OPCML: variants seen among roughly 807,000 people sequenced by gnomAD.
OPCML encodes opioid-binding protein/cell adhesion molecule.
A neutral mutation model predicts 37.8 loss-of-function variants in OPCML; 13 were observed. The observed-to-expected ratio is 0.34, with a 90% CI of 0.22 to 0.55. The LOEUF is 0.55. Among genes scored for constraint, OPCML ranks in the 20% least tolerant of loss-of-function variants. The pLI, the probability that OPCML is intolerant of heterozygous loss-of-function variation, is 0.91. For missense variants in OPCML, 341 were observed against 435.6 expected (o/e 0.78, Z 1.93); for synonymous variants, 176 against 168.8 (o/e 1.04, Z -0.33).
At chr11:133,410,957 A>G (rs1945639205) in intron 1 of OPCML, among the ~76,000 whole-genome samples, 2 of 152,146 alleles carry the variant, frequency 1.3e-5, no homozygotes, top group African/African-American at 4.8e-5. Context: ...ATGGTGCCCA[A>G]AAGTTACCCA....
intron 1 of OPCML, among the ~76,000 whole-genome samples, chr11:133,144,860 T>C (rs1313345636): frequency 6.6e-6 from 1 of 152,178 alleles, no homozygotes; most frequent in Admixed American, 6.5e-5. Context: ...ATTCAAGCAA[T>C]GAATCAAAAA....
chr11:132,454,343 G>A (rs1371279073), intron 4 of OPCML, among the ~76,000 whole-genome samples: 1 of 152,202 alleles, frequency 6.6e-6, no homozygotes, highest in South Asian at 2.1e-4. Context: ...ATTCCTGGGA[G>A]ATAACTAATC....
At chr11:132,677,044 T>C (rs1217688365) in intron 2 of OPCML, among the ~76,000 whole-genome samples, 1 of 152,086 alleles carries the variant, frequency 6.6e-6, no homozygotes, top group Non-Finnish European at 1.5e-5. Flanking sequence ...TAAGCAATTA[T>C]AGCAAGGTTG....
At chr11:132,426,943 A>G (rs1302638503) in intron 7 of OPCML, among the ~76,000 whole-genome samples, 1 of 152,202 alleles carries the variant, frequency 6.6e-6, no homozygotes, top group Non-Finnish European at 1.5e-5. Flanking sequence ...AAAAAAATAT[A>G]GAAGCTTCCT....
intron 4 of OPCML, among the ~76,000 whole-genome samples, chr11:132,441,594 A>G (rs547567775): frequency 2.0e-5 from 3 of 152,348 alleles, no homozygotes; most frequent in African/African-American, 4.8e-5. Flanking sequence ...ACCCAGAGGC[A>G]TTATGAACCT....
chr11:132,593,543 T>C (rs979783853), intron 3 of OPCML, among the ~76,000 whole-genome samples: 4 of 152,068 alleles, frequency 2.6e-5, no homozygotes, highest in African/African-American at 9.7e-5. Context: ...TGAAAATGGA[T>C]GGAGGTAGAA....
intron 4 of OPCML, among the ~76,000 whole-genome samples, chr11:132,510,369 T>G (rs1171395836): frequency 2.0e-5 from 3 of 152,126 alleles, no homozygotes; most frequent in African/African-American, 7.2e-5. Flanking sequence ...TTTGGGGGAC[T>G]GTTGGGAAGG....
intron 1 of OPCML, among the ~76,000 whole-genome samples, chr11:133,332,073 T>A (rs1227924916): frequency 2.0e-5 from 3 of 152,236 alleles, no homozygotes; most frequent in Non-Finnish European, 4.4e-5. Flanking sequence ...GAGCATGGGA[T>A]GATTTCCATC....
At chr11:132,524,056 G>A (rs902859801) in intron 4 of OPCML, among the ~76,000 whole-genome samples, 1 of 152,202 alleles carries the variant, frequency 6.6e-6, no homozygotes, top group African/African-American at 2.4e-5. Flanking sequence ...GGAGCCAGGT[G>A]TGTGAGGCAT....
At chr11:132,706,063 C>T (rs566493618) in intron 2 of OPCML, among the ~76,000 whole-genome samples, 1 of 152,256 alleles carries the variant, frequency 6.6e-6, no homozygotes, top group East Asian at 1.9e-4. Flanking sequence ...ACCTCGGCCT[C>T]CCAAAGTGCT....
chr11:132,591,083 C>A (rs966316334), intron 3 of OPCML, among the ~76,000 whole-genome samples: 3 of 152,192 alleles, frequency 2.0e-5, no homozygotes, highest in Non-Finnish European at 1.5e-5. Flanking sequence ...CAGATTTGCA[C>A]AAAGCAAGAT....
intron 1 of OPCML, among the ~76,000 whole-genome samples, chr11:133,482,825 G>GA (rs532916132): frequency 4.7e-5 from 7 of 150,290 alleles, no homozygotes; most frequent in Middle Eastern, 3.4e-3. Flanking sequence ...GAATTCAACA[G>GA]AAAAAAAAAT....
chr11:132,432,617 G>A (rs946651228), intron 7 of OPCML, among the ~76,000 whole-genome samples: 36 of 152,204 alleles, frequency 2.4e-4, no homozygotes, highest in African/African-American at 7.9e-4. Flanking sequence ...TGACCAATAC[G>A]TCCTTTCCAT....
intron 4 of OPCML, among the ~76,000 whole-genome samples, chr11:132,508,813 C>A (rs921240812): frequency 1.3e-5 from 2 of 152,112 alleles, no homozygotes; most frequent in Admixed American, 6.6e-5. Flanking sequence ...TTTTTCTTCC[C>A]AGTCTTGGGT....
At chr11:132,601,177 C>G (rs189157529) in intron 3 of OPCML, among the ~76,000 whole-genome samples, 1 of 152,030 alleles carries the variant, frequency 6.6e-6, no homozygotes, top group Non-Finnish European at 1.5e-5. Flanking sequence ...CTGTAAACTA[C>G]CCCCATGTGG....
chr11:133,204,365 A>G (rs1043883610), intron 1 of OPCML, among the ~76,000 whole-genome samples: 1 of 152,160 alleles, frequency 6.6e-6, no homozygotes, highest in African/African-American at 2.4e-5. Context: ...CTTATTCTCC[A>G]TTCTCTGATA....
intron 1 of OPCML, chr11:133,005,950 C>T (rs1444469762): frequency 1.0e-6 from 1 of 985,286 alleles, no homozygotes; most frequent in Non-Finnish European, 1.2e-6. Context: ...TGGATGTGTG[C>T]AGCTTCCAGG....
chr11:133,350,904 T>A (rs781485338), intron 1 of OPCML, among the ~76,000 whole-genome samples: 1 of 152,034 alleles, frequency 6.6e-6, no homozygotes. Context: ...CACACAGAGG[T>A]ATAAGGCATA....
intron 4 of OPCML, among the ~76,000 whole-genome samples, chr11:132,448,248 C>T (rs879860000): frequency 6.6e-6 from 1 of 152,156 alleles, no homozygotes; most frequent in Non-Finnish European, 1.5e-5. Flanking sequence ...CTCTTTTATC[C>T]TTTCCCTATA....
Sources: allele counts gnomAD v4.1 joint callset (sites outside exome capture counted in the v4.1 genomes callset), GRCh38; gene constraint gnomAD v4.1.1; transcripts MANE v1.5; gene names NCBI Gene and HGNC (gene_info 2026-07-23, HGNC 2026-07-21).